PTPRK: variants seen among roughly 807,000 people sequenced by gnomAD.
PTPRK encodes the protein receptor-type tyrosine-protein phosphatase kappa.
In PTPRK, 75 loss-of-function variants were observed where a neutral mutation model predicts 178.0. The observed-to-expected ratio is 0.42, with a 90% CI of 0.35 to 0.51. The LOEUF is 0.51. Ranked by LOEUF, PTPRK falls within the 20% of genes least tolerant of loss-of-function variation. The pLI is 0.02. For synonymous variants in PTPRK, 637 were observed against 620.6 expected, an observed-to-expected ratio of 1.03 and a Z score of -0.39; for missense variants, 1,441 against 1,797.8, an observed-to-expected ratio of 0.80 and a Z score of 3.59.
At chr6:128,360,288 T>C (rs967180297) in intron 2 of PTPRK, among the ~76,000 whole-genome samples, 1 of 151,990 alleles carries the variant, frequency 6.6e-6, no homozygotes, top group African/African-American at 2.4e-5. Flanking sequence ...GCCAGAGTAC[T>C]AAAACCTTGA....
intron 1 of PTPRK, among the ~76,000 whole-genome samples, chr6:128,427,447 T>C (rs1006108054): frequency 6.6e-6 from 1 of 152,174 alleles, no homozygotes; most frequent in African/African-American, 2.4e-5. Context: ...CTATCAACCC[T>C]ATCAATAAGC....
chr6:128,180,037 T>A (rs1402899645), intron 7 of PTPRK, among the ~76,000 whole-genome samples: 1 of 152,054 alleles, frequency 6.6e-6, no homozygotes, highest in Admixed American at 6.6e-5. Flanking sequence ...CATAAATGTA[T>A]TATGTTCTGG....
At chr6:128,161,596 T>G (rs1798718053) in intron 7 of PTPRK, among the ~76,000 whole-genome samples, 1 of 151,540 alleles carries the variant, frequency 6.6e-6, no homozygotes, top group African/African-American at 2.4e-5. Context: ...TTACATTAGC[T>G]CCAATTCAAA....
intron 1 of PTPRK, among the ~76,000 whole-genome samples, chr6:128,461,294 C>A (rs1041990754): frequency 1.3e-5 from 2 of 151,542 alleles, no homozygotes; most frequent in Non-Finnish European, 2.9e-5. Flanking sequence ...CAGAATTCAT[C>A]AGATGTTGGA....
chr6:128,232,340 A>G (rs1812445212), intron 5 of PTPRK, among the ~76,000 whole-genome samples: 1 of 152,244 alleles, frequency 6.6e-6, no homozygotes, highest in Non-Finnish European at 1.5e-5. Context: ...CTTAGACTCT[A>G]TACAGACTTC....
Position 128,467,165 on chromosome 6 carries a change from A to C in PTPRK, c.100+53094T>G, listed in dbSNP as rs567887221. Reference sequence around the variant, plus strand: ...CAGGTGAGCACCACCGCGCCCGGCTAATTTTTTTGTATTTTTTGTATAGAC... The same window carrying C: ...CAGGTGAGCACCACCGCGCCCGGCTCATTTTTTTGTATTTTTTGTATAGAC... On this transcript the variant is annotated intron_variant, in intron 1 of 29. Coordinates refer to ENST00000368226, the MANE Select transcript of PTPRK (RefSeq NM_002844.4). Among the ~76,000 whole-genome samples, 7 of 152,034 alleles carry C rather than the reference A, an allele frequency of 4.6e-5. No individual in the cohort carries two copies. The East Asian group carries it at 1.4e-3, about 29-fold the overall frequency.
At chr6:128,083,346 C>T (rs1173896710) in intron 9 of PTPRK, among the ~76,000 whole-genome samples, 1 of 151,600 alleles carries the variant, frequency 6.6e-6, no homozygotes, top group African/African-American at 2.4e-5. Flanking sequence ...AATTCAATGG[C>T]TTCTCCTAAA....
intron 3 of PTPRK, among the ~76,000 whole-genome samples, chr6:128,258,703 G>A (rs1738276): frequency 0.045 from 6,836 of 152,238 alleles, 510 homozygotes; most frequent in African/African-American, 0.16. Context: ...AGGAGTTAAC[G>A]AACAGAAGGG....
At chr6:128,205,277 G>A (rs1476690552) in intron 6 of PTPRK, among the ~76,000 whole-genome samples, 1 of 152,220 alleles carries the variant, frequency 6.6e-6, no homozygotes, top group African/African-American at 2.4e-5. Flanking sequence ...AGTATGCGGG[G>A]GAGGGAGAGC....
chr6:128,349,011 C>T (rs1015178422), intron 2 of PTPRK, among the ~76,000 whole-genome samples: 1 of 151,934 alleles, frequency 6.6e-6, no homozygotes, highest in Non-Finnish European at 1.5e-5. Context: ...ACTATACTTG[C>T]CCTCCCTTAT....
chr6:128,494,201 TAAAAAAAAA>T (rs11301155), intron 1 of PTPRK, among the ~76,000 whole-genome samples: 1 of 112,944 alleles, frequency 8.9e-6, no homozygotes, highest in Non-Finnish European at 1.8e-5. Context: ...CCCTGTATCT[TAAAAAAAAA>T]AAAAAAAAAA....
At chr6:128,126,179 C>A (rs1346842422) in intron 7 of PTPRK, among the ~76,000 whole-genome samples, 2 of 151,992 alleles carry the variant, frequency 1.3e-5, no homozygotes, top group African/African-American at 4.8e-5. Context: ...TTAAGCCCCG[C>A]ATGCATTAGG....
chr6:128,025,693 A>T (rs1381673996), intron 13 of PTPRK, among the ~76,000 whole-genome samples: 1 of 152,166 alleles, frequency 6.6e-6, no homozygotes, highest in African/African-American at 2.4e-5. Context: ...CTCGCTGCTG[A>T]GGCTCTAGAA....
intron 13 of PTPRK, among the ~76,000 whole-genome samples, chr6:128,022,241 T>C (rs1773625379): frequency 6.6e-6 from 1 of 152,190 alleles, no homozygotes; most frequent in South Asian, 2.1e-4. Flanking sequence ...GGATCTCTCA[T>C]ACTCCTTTCT....
intron 2 of PTPRK, among the ~76,000 whole-genome samples, chr6:128,382,753 T>A (rs1189257654): frequency 6.6e-6 from 1 of 152,126 alleles, no homozygotes; most frequent in African/African-American, 2.4e-5. Context: ...AATTATAAAT[T>A]GTTTTTATTG....
chr6:128,071,238 A>G (rs1005748057), intron 11 of PTPRK, among the ~76,000 whole-genome samples: 3 of 151,988 alleles, frequency 2.0e-5, no homozygotes, highest in Non-Finnish European at 4.4e-5. Flanking sequence ...GTTTAAAACG[A>G]CAACAAAACT....
At chr6:128,341,696 G>C (rs137956081) in intron 2 of PTPRK, among the ~76,000 whole-genome samples, 1 of 152,246 alleles carries the variant, frequency 6.6e-6, no homozygotes, top group African/African-American at 2.4e-5. Context: ...AAAAAGTAAA[G>C]TGAAAATTAA....
At chr6:128,086,332 T>A (rs1434124322) in intron 8 of PTPRK, among the ~76,000 whole-genome samples, 1 of 152,096 alleles carries the variant, frequency 6.6e-6, no homozygotes, top group African/African-American at 2.4e-5. Flanking sequence ...CAAACCAGGC[T>A]TTTCTGCTGA....
intron 1 of PTPRK, among the ~76,000 whole-genome samples, chr6:128,419,811 A>G (rs1187252959): frequency 1.3e-5 from 2 of 152,184 alleles, no homozygotes; most frequent in Non-Finnish European, 2.9e-5. Flanking sequence ...TCCCAACAAA[A>G]AAACTGTTAA....
Sources: gnomAD v4.1 joint callset for allele counts (sites outside exome capture counted in the v4.1 genomes callset) on GRCh38, gnomAD v4.1.1 for gene constraint, MANE v1.5 for transcripts, NCBI Gene and HGNC (gene_info 2026-07-23, HGNC 2026-07-21) for gene names.